The following DYNC1I1 variants were observed in gnomAD, a reference collection of about 807,000 sequenced individuals.
DYNC1I1 encodes the protein dynein cytoplasmic 1 intermediate chain 1.
DYNC1I1 carries 43 observed loss-of-function variants against 86.6 expected under a neutral mutation model. That is an observed-to-expected ratio of 0.50 (90% CI 0.39 to 0.64). DYNC1I1 has a LOEUF of 0.64. Ranked by LOEUF, DYNC1I1 falls within the 30% of genes least tolerant of loss-of-function variation. The probability of loss-of-function intolerance (pLI) is 0.00; values close to 1 mark genes in which losing one functional copy is unlikely to be tolerated. For synonymous variants in DYNC1I1, 262 were observed against 283.7 expected, an observed-to-expected ratio of 0.92 and a Z score of 0.77; for missense variants, 604 against 788.8, an observed-to-expected ratio of 0.77 and a Z score of 2.81.
rs1257438882 is a variant in DYNC1I1 at position 96,092,830 on chromosome 7, G to T, written c.1777-4653G>T. On this transcript the variant is annotated intron_variant, in intron 16 of 16. Coordinates refer to ENST00000447467, the MANE Select transcript of DYNC1I1 (RefSeq NM_001135556.2). The stretch of plus-strand genomic sequence containing the variant: ...TGCTTGTAGACTTTTTGTCTTCCAA[G>T]AATCTTAGAAGATTTAAAACAATCT... 3.9e-5 allele frequency among the ~76,000 whole-genome samples: 6 copies of T among 152,208 alleles called. No individual in the cohort carries two copies. In the East Asian group the frequency reaches 1.2e-3, roughly 29 times the overall value.
chr7:95,785,779 A>ATG (rs1794122229), intron 1 of DYNC1I1, among the ~76,000 whole-genome samples: 1 of 15,260 alleles, frequency 6.6e-5, no homozygotes, highest in Non-Finnish European at 1.0e-4. Context: ...GTATGTGTAT[A>ATG]TATATATATA....
chr7:95,956,191 C>A (rs1792705198), intron 6 of DYNC1I1, among the ~76,000 whole-genome samples: 1 of 152,020 alleles, frequency 6.6e-6, no homozygotes, highest in African/African-American at 2.4e-5. Flanking sequence ...ACTCAGCCCA[C>A]AGAGACCAGA....
intron 16 of DYNC1I1, 98 bp downstream of exon 16, chr7:96,080,586 CCT>C: frequency 1.3e-6 from 2 of 1,597,790 alleles, no homozygotes; most frequent in Non-Finnish European, 1.7e-6. Context: ...CCACAAGGAC[CCT>C]CTCTAACGTG....
intron 6 of DYNC1I1, among the ~76,000 whole-genome samples, chr7:95,895,430 G>C (rs985443660): frequency 1.3e-5 from 2 of 152,142 alleles, no homozygotes; most frequent in East Asian, 3.9e-4. Flanking sequence ...GTTGTACGAG[G>C]ATCAGCTTCG....
intron 4 of DYNC1I1, among the ~76,000 whole-genome samples, chr7:95,820,568 T>A (rs902182553): frequency 9.2e-5 from 14 of 152,258 alleles, no homozygotes; most frequent in African/African-American, 3.1e-4. Context: ...AGGAAATCTC[T>A]GTATTCTGTC....
At chr7:95,775,533 G>T (rs759532544) in intron 1 of DYNC1I1, among the ~76,000 whole-genome samples, 1 of 152,148 alleles carries the variant, frequency 6.6e-6, no homozygotes, top group Non-Finnish European at 1.5e-5. Context: ...TATCTTTCAG[G>T]TTTGCTCTCC....
intron 16 of DYNC1I1, among the ~76,000 whole-genome samples, chr7:96,103,748 G>A (rs971995482): frequency 6.6e-6 from 1 of 152,108 alleles, no homozygotes; most frequent in Non-Finnish European, 1.5e-5. Flanking sequence ...GAGTAGCTGG[G>A]ATTACAGGCA....
Position 96,035,622 on chromosome 7 carries a change from A to G in DYNC1I1, c.1234A>G (p.Ser412Gly), listed in dbSNP as rs1362691830. ...SLDMLSTPQE[S>G]MELVYNKSKP... ...TAACCACACCGTGTTTTGGTAGGAG[A>G]GCATGGAGCTGGTGTACAATAAGTC... The change falls in exon 13 of 17, where the codon AGC becomes GGC. Residue 412 changes from serine to glycine, a missense_variant. Ser to Gly is a moderately conservative substitution (Grantham distance 56). Transcript: ENST00000447467. 6.3e-7 allele frequency: 1 copy of G among 1,577,370 alleles called. No individual in the cohort carries two copies.
chr7:95,925,137 C>T (rs545894265), intron 6 of DYNC1I1, among the ~76,000 whole-genome samples: 3 of 152,242 alleles, frequency 2.0e-5, no homozygotes, highest in Non-Finnish European at 4.4e-5. Context: ...TCTCTAAACT[C>T]GTTCATTACC....
intron 14 of DYNC1I1, among the ~76,000 whole-genome samples, chr7:96,049,151 G>A (rs957903299): frequency 4.0e-5 from 6 of 151,578 alleles, no homozygotes; most frequent in Non-Finnish European, 7.4e-5. Flanking sequence ...CCAGCTACTC[G>A]GGAGGCTGAG....
At chr7:95,886,295 G>A (rs900606549) in intron 6 of DYNC1I1, among the ~76,000 whole-genome samples, 28 of 152,014 alleles carry the variant, frequency 1.8e-4, no homozygotes, top group African/African-American at 6.8e-4. Context: ...AATTACCTGA[G>A]CGTGGTGTCA....
chr7:96,057,612 A>C (rs374824866), intron 14 of DYNC1I1, among the ~76,000 whole-genome samples: 15 of 152,310 alleles, frequency 9.8e-5, no homozygotes, highest in Non-Finnish European at 1.3e-4. Flanking sequence ...TCAATGCCAG[A>C]AAATTTAATA....
chr7:95,996,191 A>T, intron 10 of DYNC1I1, 118 bp downstream of exon 10: 1 of 1,491,028 alleles, frequency 6.7e-7, no homozygotes, highest in Non-Finnish European at 9.0e-7. Flanking sequence ...GAAATTGTTG[A>T]CAATTTTGGA....
chr7:95,972,206 T>C (rs1185700587), intron 6 of DYNC1I1, among the ~76,000 whole-genome samples: 2 of 152,044 alleles, frequency 1.3e-5, no homozygotes, highest in Non-Finnish European at 2.9e-5. Context: ...GTGGGATTTA[T>C]TGGAAGGAAA....
chr7:96,026,868 C>T (rs1020744869), intron 10 of DYNC1I1, among the ~76,000 whole-genome samples: 2 of 152,150 alleles, frequency 1.3e-5, no homozygotes, highest in Non-Finnish European at 2.9e-5. Context: ...CATCTATCCC[C>T]CTCACACACA....
intron 6 of DYNC1I1, among the ~76,000 whole-genome samples, chr7:95,881,839 T>C (rs1477401513): frequency 2.0e-5 from 3 of 152,238 alleles, no homozygotes; most frequent in East Asian, 1.9e-4. Flanking sequence ...CATATGGTCA[T>C]GCATCAGATA....
At chr7:96,005,901 C>T in intron 10 of DYNC1I1, among the ~76,000 whole-genome samples, 1 of 152,138 alleles carries the variant, frequency 6.6e-6, no homozygotes, top group East Asian at 1.9e-4. Context: ...GAAAGTAACA[C>T]ATTTTGAGCA....
At chr7:96,069,994 A>G (rs1790111949) in intron 14 of DYNC1I1, among the ~76,000 whole-genome samples, 2 of 152,316 alleles carry the variant, frequency 1.3e-5, no homozygotes, top group South Asian at 4.1e-4. Flanking sequence ...CAAATAGACC[A>G]CTATACATAG....
chr7:95,933,805 G>A (rs939693035), intron 6 of DYNC1I1, among the ~76,000 whole-genome samples: 8 of 152,000 alleles, frequency 5.3e-5, no homozygotes, highest in Non-Finnish European at 8.8e-5. Context: ...CCCTTGTTAT[G>A]CCACCCACAG....
Sources: gnomAD v4.1 joint callset for allele counts (sites outside exome capture counted in the v4.1 genomes callset) on GRCh38, gnomAD v4.1.1 for gene constraint, MANE v1.5 for transcripts, NCBI Gene and HGNC (gene_info 2026-07-23, HGNC 2026-07-21) for gene names.